The following FLT1 variants were observed in gnomAD, a reference collection of about 807,000 sequenced individuals.
FLT1 encodes the protein vascular endothelial growth factor receptor 1.
In FLT1, 49 loss-of-function variants were observed where a neutral mutation model predicts 156.3. That is an observed-to-expected ratio of 0.31 (90% confidence interval 0.25 to 0.40). The LOEUF is 0.40. FLT1 is among the 10% of genes least tolerant of loss of function. FLT1 has a pLI of 1.00. For missense variants in FLT1, 1,322 were observed against 1,637.2 expected (o/e 0.81, Z 3.32); for synonymous variants, 594 against 583.8 (o/e 1.02, Z -0.25).
intron 13 of FLT1, chr13:28,388,831 A>T (rs952287580): frequency 9.4e-7 from 1 of 1,061,896 alleles, no homozygotes. Context: ...TTTTAACATG[A>T]TGAAGTTCCT....
chr13:28,464,298 T>C (rs1879739129), intron 3 of FLT1, among the ~76,000 whole-genome samples: 1 of 152,238 alleles, frequency 6.6e-6, no homozygotes, highest in African/African-American at 2.4e-5. Flanking sequence ...AAGTGTTTTA[T>C]GATATTGGAA....
intron 9 of FLT1, 73 bp from the exon 10 acceptor site, chr13:28,427,391 G>A: frequency 7.4e-7 from 1 of 1,355,554 alleles, no homozygotes; most frequent in African/African-American, 1.4e-5. Flanking sequence ...CACACATGAA[G>A]GACCACATTC....
intron 29 of FLT1, 22 bp downstream of exon 29, chr13:28,306,656 A>G: frequency 1.9e-6 from 3 of 1,558,540 alleles, no homozygotes; most frequent in African/African-American, 1.4e-5. Context: ...AACTGATCAC[A>G]GAAAAGATAC....
intron 1 of FLT1, among the ~76,000 whole-genome samples, chr13:28,468,241 C>A (rs1879958129): frequency 6.6e-6 from 1 of 152,172 alleles, no homozygotes; most frequent in Admixed American, 6.5e-5. Context: ...CTTACGTAAT[C>A]TATGAGTTCC....
chr13:28,323,433 C>T (rs1402053718), intron 20 of FLT1, among the ~76,000 whole-genome samples: 1 of 152,098 alleles, frequency 6.6e-6, no homozygotes, highest in African/African-American at 2.4e-5. Context: ...AGGTGAATCA[C>T]GTGAGGTCGG....
At chr13:28,389,762 C>T in intron 13 of FLT1, 34 bp downstream of exon 13, 8 of 1,613,902 alleles carry the variant, frequency 5.0e-6, no homozygotes, top group South Asian at 1.1e-5. Flanking sequence ...TTTGGAGATC[C>T]GAGAGAAAAC....
At chr13:28,360,078 C>G (rs1283624640) in intron 14 of FLT1, among the ~76,000 whole-genome samples, 1 of 152,060 alleles carries the variant, frequency 6.6e-6, no homozygotes, top group Non-Finnish European at 1.5e-5. Context: ...CCACTGCACT[C>G]CGGCCTGGGT....
intron 4 of FLT1, among the ~76,000 whole-genome samples, chr13:28,435,519 C>G (rs1877974471): frequency 6.6e-6 from 1 of 152,154 alleles, no homozygotes. Flanking sequence ...ATCAAATTAC[C>G]TTCCCCCAAC....
At chr13:28,484,497 T>C (rs541980246) in intron 1 of FLT1, among the ~76,000 whole-genome samples, 144 of 152,284 alleles carry the variant, frequency 9.5e-4, no homozygotes, top group Non-Finnish European at 1.5e-3. Flanking sequence ...TCTGACTAAG[T>C]TTTTTGGGAG....
intron 14 of FLT1, among the ~76,000 whole-genome samples, chr13:28,367,271 C>A (rs1322215942): frequency 6.6e-6 from 1 of 152,078 alleles, no homozygotes; most frequent in Non-Finnish European, 1.5e-5. Context: ...AAGCATTAGC[C>A]CCAAAAGGAC....
chr13:28,493,395 G>C (rs1432367257), intron 1 of FLT1, among the ~76,000 whole-genome samples: 1 of 152,068 alleles, frequency 6.6e-6, no homozygotes, highest in East Asian at 1.9e-4. Context: ...CCCTGTCTCC[G>C]GGTTTAGTAG....
chr13:28,427,380 C>A, intron 9 of FLT1, 62 bp from the exon 10 acceptor site: 4 of 1,497,084 alleles, frequency 2.7e-6, no homozygotes, highest in Non-Finnish European at 3.7e-6. Flanking sequence ...TTCTCCTGGG[C>A]CACACATGAA....
intron 14 of FLT1, among the ~76,000 whole-genome samples, chr13:28,370,120 G>C (rs544371203): frequency 8.7e-4 from 133 of 152,040 alleles, no homozygotes; most frequent in Non-Finnish European, 1.5e-3. Context: ...TTGGGAGGAG[G>C]CTGCAGTGAG....
At chr13:28,394,375 G>A (rs558213877) in intron 12 of FLT1, among the ~76,000 whole-genome samples, 193 of 152,256 alleles carry the variant, frequency 1.3e-3, no homozygotes, top group African/African-American at 4.6e-3. Context: ...TAAGCCTTGG[G>A]ATCTAGAAGA....
chr13:28,399,243 G>A, intron 11 of FLT1: 1 of 548,812 alleles, frequency 1.8e-6, no homozygotes, highest in Non-Finnish European at 3.2e-6. Flanking sequence ...GCCTTTTTAA[G>A]CTGGGGTGTC....
At chr13:28,388,254 G>T (rs1874486028) in intron 13 of FLT1, 1 of 1,057,450 alleles carries the variant, frequency 9.5e-7, no homozygotes, top group Non-Finnish European at 1.1e-6. Context: ...GCATTCTGGG[G>T]AAATGCTATT....
chr13:28,327,092 A>G (rs1871715084), intron 20 of FLT1, among the ~76,000 whole-genome samples: 1 of 152,264 alleles, frequency 6.6e-6, no homozygotes, highest in African/African-American at 2.4e-5. Context: ...AGACAATTAT[A>G]TTAACTATTA....
At chr13:28,466,803 T>C in intron 3 of FLT1, 100 bp downstream of exon 3, 1 of 824,578 alleles carries the variant, frequency 1.2e-6, no homozygotes, top group Non-Finnish European at 2.1e-6. Flanking sequence ...CCCGTTTCTT[T>C]CATACTCACT....
intron 13 of FLT1, among the ~76,000 whole-genome samples, chr13:28,385,236 G>A (rs1028392584): frequency 3.2e-4 from 48 of 152,164 alleles, no homozygotes; most frequent in African/African-American, 1.1e-3. Context: ...TTACAACACA[G>A]TGAAATCAAG....
Sources: gnomAD v4.1 joint callset for allele counts (sites outside exome capture counted in the v4.1 genomes callset) on GRCh38, gnomAD v4.1.1 for gene constraint, MANE v1.5 for transcripts, NCBI Gene and HGNC (gene_info 2026-07-23, HGNC 2026-07-21) for gene names.